The following NEDD9 variants were observed in gnomAD, a reference collection of about 807,000 sequenced individuals.
NEDD9 encodes the protein neural precursor cell expressed, developmentally down-regulated 9.
A neutral mutation model predicts 76.6 loss-of-function variants in NEDD9; 26 were observed. The observed-to-expected ratio is 0.34, with a 90% CI of 0.25 to 0.47. The LOEUF is 0.47. Ranked by LOEUF, NEDD9 falls within the 20% of genes least tolerant of loss-of-function variation. The pLI, the probability that NEDD9 is intolerant of heterozygous loss-of-function variation, is 1.00. For missense variants in NEDD9, 937 were observed against 1,058.5 expected (o/e 0.89, Z 1.59); for synonymous variants, 392 against 414.2 (o/e 0.95, Z 0.65).
chr6:11,284,842 C>A (rs1000170841), intron 3 of NEDD9, among the ~76,000 whole-genome samples: 3 of 150,492 alleles, frequency 2.0e-5, no homozygotes, highest in South Asian at 4.2e-4. Context: ...ATTAATATAA[C>A]TAATATTTAT....
intron 1 of NEDD9, among the ~76,000 whole-genome samples, chr6:11,364,556 C>T (rs1375701656): frequency 1.3e-5 from 2 of 152,112 alleles, no homozygotes; most frequent in Non-Finnish European, 2.9e-5. Context: ...GTACATGGCA[C>T]AACTAGGATT....
intron 3 of NEDD9, chr6:11,248,850 A>G (rs1308983396): frequency 6.0e-6 from 2 of 335,882 alleles, no homozygotes; most frequent in South Asian, 2.4e-5. Context: ...TCCCTACAGT[A>G]CTGGTATCTG....
rs1758856406 is a variant in NEDD9 at position 11,213,641 on chromosome 6, T to C, written c.99A>G (p.Ile33Met). ...CTTCCAGTCCCCCTGTGTTCTGCTC[T>C]ATGACGGTCAGGATGTCTCCCTTGC... ...AFRKGDILTV[I>M]EQNTGGLEGW... Residue 33 changes from isoleucine (I) to methionine (M), a missense_variant, in exon 2 of 7, where the codon ATA becomes ATG. Physicochemically the swap from Ile to Met is conservative, Grantham distance 10. Coordinates refer to ENST00000379446, the MANE Select transcript of NEDD9 (RefSeq NM_006403.4). This position sits in a 1 kb window ranked among gnomAD's most constrained non-coding sequence, Gnocchi z 5.4. The C allele has an allele frequency of 1.4e-5, 23 of 1,614,196 alleles. No individual in the cohort carries two copies. Among genetic ancestry groups the C allele is most frequent in the Non-Finnish European group, 1.9e-5 (23 of 1,180,030 alleles).
Position 11,213,168 on chromosome 6 carries a change from T to C in NEDD9, c.459+113A>G, listed in dbSNP as rs1205752752. On this transcript the variant is annotated intron_variant, in intron 2 of 6. Transcript: ENST00000379446. This position sits in a 1 kb window ranked among gnomAD's most constrained non-coding sequence, Gnocchi z 5.4. ...GATGCCTGAGCTAAGGTATTGGTTATATCTACTTCTTGGCAGCTTCAAGTT... is the reference window on the plus strand; with the variant it reads ...GATGCCTGAGCTAAGGTATTGGTTACATCTACTTCTTGGCAGCTTCAAGTT... 2.2e-5 allele frequency: 22 copies of C among 980,056 alleles called. No homozygotes were observed. The highest frequency in any genetic ancestry group is 3.3e-5 in the Non-Finnish European group (22 of 668,444). The allele number at this position is 980,056 out of a possible 1,614,324, so 60.7% of individuals were successfully genotyped here.
At chr6:11,332,949 G>C (rs1412083699) in intron 2 of NEDD9, among the ~76,000 whole-genome samples, 1 of 151,810 alleles carries the variant, frequency 6.6e-6, no homozygotes, top group African/African-American at 2.4e-5. Flanking sequence ...TCAGCACATA[G>C]ATATATGAGG....
intron 3 of NEDD9, among the ~76,000 whole-genome samples, chr6:11,289,295 G>A (rs138444564): frequency 1.9e-3 from 289 of 152,320 alleles, no homozygotes; most frequent in African/African-American, 6.6e-3. Context: ...TCTAGGAAGT[G>A]TGATTATATT....
intron 3 of NEDD9, among the ~76,000 whole-genome samples, chr6:11,255,846 T>C (rs976556931): frequency 2.0e-5 from 3 of 151,902 alleles, no homozygotes; most frequent in African/African-American, 7.3e-5. Flanking sequence ...AGGGGAGAGA[T>C]TGGAAGGGAA....
intron 1 of NEDD9, among the ~76,000 whole-genome samples, chr6:11,362,740 A>G (rs1008986850): frequency 6.6e-6 from 1 of 151,350 alleles, no homozygotes; most frequent in Non-Finnish European, 1.5e-5. Context: ...CCAAAGATGA[A>G]GCTCTTTTAT....
intron 1 of NEDD9, among the ~76,000 whole-genome samples, chr6:11,360,283 C>G (rs1347597244): frequency 6.6e-6 from 1 of 152,182 alleles, no homozygotes; most frequent in Non-Finnish European, 1.5e-5. Context: ...CATTGTAGAG[C>G]AGAAGAAGAA....
chr6:11,243,025 C>G (rs1159933751), intron 3 of NEDD9, among the ~76,000 whole-genome samples: 3 of 152,230 alleles, frequency 2.0e-5, no homozygotes, highest in Admixed American at 6.5e-5. Flanking sequence ...TATCAAAATA[C>G]TCCAGATTTT....
intron 1 of NEDD9, among the ~76,000 whole-genome samples, chr6:11,355,963 T>A (rs113574189): frequency 4.6e-5 from 7 of 152,106 alleles, no homozygotes; most frequent in Non-Finnish European, 7.4e-5. Context: ...CCTCGTGATC[T>A]GCCCACCTTG....
At chr6:11,200,686 G>A in intron 2 of NEDD9, 1 of 1,262,914 alleles carries the variant, frequency 7.9e-7, no homozygotes, top group Non-Finnish European at 1.0e-6. Flanking sequence ...CTCAAAATGA[G>A]ATCTACGAGG....
intron 3 of NEDD9, among the ~76,000 whole-genome samples, chr6:11,192,932 CA>C (rs71550759): frequency 4.2e-3 from 118 of 28,162 alleles, no homozygotes; most frequent in Middle Eastern, 0.05. Context: ...GACTCTGTCT[CA>C]AAAAAAAAAA....
chr6:11,338,283 A>C (rs896230896), intron 1 of NEDD9, among the ~76,000 whole-genome samples: 3 of 152,208 alleles, frequency 2.0e-5, no homozygotes, highest in African/African-American at 7.2e-5. Flanking sequence ...CAAGCCAAGG[A>C]ATGCCAAAGA....
At chr6:11,212,430 C>T (rs535106884) in intron 2 of NEDD9, among the ~76,000 whole-genome samples, 9 of 152,310 alleles carry the variant, frequency 5.9e-5, no homozygotes, top group South Asian at 2.1e-4. Context: ...GTCTCCCCCA[C>T]GGCAATGTAA....
intron 3 of NEDD9, among the ~76,000 whole-genome samples, chr6:11,242,136 G>T (rs1482782959): frequency 6.6e-6 from 1 of 152,180 alleles, no homozygotes; most frequent in Non-Finnish European, 1.5e-5. Flanking sequence ...TTGCCGAACG[G>T]AGTATGGACG....
chr6:11,331,578 T>C (rs1762039102), intron 2 of NEDD9, among the ~76,000 whole-genome samples: 1 of 152,010 alleles, frequency 6.6e-6, no homozygotes, highest in Admixed American at 6.6e-5. Flanking sequence ...CCATAACAAA[T>C]TATTGACTGG....
chr6:11,296,414 T>C (rs1422553766), intron 3 of NEDD9, among the ~76,000 whole-genome samples: 1 of 152,184 alleles, frequency 6.6e-6, no homozygotes, highest in Non-Finnish European at 1.5e-5. Flanking sequence ...TACATAGTGT[T>C]TTCATATTCC....
chr6:11,253,073 G>A (rs575971955), intron 3 of NEDD9, among the ~76,000 whole-genome samples: 17 of 152,238 alleles, frequency 1.1e-4, no homozygotes, highest in African/African-American at 4.1e-4. Flanking sequence ...ACAAACATCT[G>A]AGTCATAAAA....
Sources: allele counts gnomAD v4.1 joint callset (sites outside exome capture counted in the v4.1 genomes callset), GRCh38; gene constraint gnomAD v4.1.1; non-coding constraint Gnocchi (gnomAD v3.1); transcripts MANE v1.5; gene names NCBI Gene and HGNC (gene_info 2026-07-23, HGNC 2026-07-21).